ACER3: variants seen among roughly 807,000 people sequenced by gnomAD.
The protein encoded by ACER3 is alkCDase 3.
A neutral mutation model predicts 48.9 loss-of-function variants in ACER3; 16 were observed. The ratio of observed to expected loss-of-function variants is 0.33; its 90% confidence interval spans 0.22 to 0.50. ACER3 has a LOEUF of 0.50. ACER3 is among the 20% of genes least tolerant of loss of function. The probability of loss-of-function intolerance (pLI) is 0.98; values close to 1 mark genes in which losing one functional copy is unlikely to be tolerated. For missense variants in ACER3, 227 were observed against 326.0 expected, an observed-to-expected ratio of 0.70 and a Z score of 2.34; for synonymous variants, 109 against 107.8, an observed-to-expected ratio of 1.01 and a Z score of -0.07.
chr11:76,881,706 A>T (rs1945531556), intron 1 of ACER3, among the ~76,000 whole-genome samples: 1 of 152,194 alleles, frequency 6.6e-6, no homozygotes, highest in South Asian at 2.1e-4. Context: ...TAAACAAGTT[A>T]TAAATAAGTT....
intron 2 of ACER3, among the ~76,000 whole-genome samples, chr11:76,957,215 G>A (rs1394301337): frequency 1.3e-5 from 2 of 152,010 alleles, no homozygotes; most frequent in Non-Finnish European, 2.9e-5. Flanking sequence ...TTGTACCTCA[G>A]CATCTATAAC....
At chr11:77,016,874 A>G in intron 9 of ACER3, 95 bp downstream of exon 9, 1 of 597,256 alleles carries the variant, frequency 1.7e-6, no homozygotes, top group Non-Finnish European at 2.7e-6. Context: ...TTAAAACACT[A>G]GAAAATTCAC....
intron 7 of ACER3, among the ~76,000 whole-genome samples, chr11:77,004,765 A>G (rs1949099909): frequency 6.6e-6 from 1 of 152,134 alleles, no homozygotes; most frequent in Non-Finnish European, 1.5e-5. Context: ...TTTGTGTGGC[A>G]TATCTTTTTT....
chr11:76,883,779 T>C (rs968049370), intron 1 of ACER3, among the ~76,000 whole-genome samples: 4 of 152,152 alleles, frequency 2.6e-5, no homozygotes, highest in African/African-American at 9.7e-5. Flanking sequence ...GCAATTTCTG[T>C]TTGGATGCCA....
chr11:76,956,550 A>G (rs191154279), intron 2 of ACER3, among the ~76,000 whole-genome samples: 1 of 152,296 alleles, frequency 6.6e-6, no homozygotes, highest in Admixed American at 6.5e-5. Context: ...AAGCAGGGAA[A>G]AAAATCAGAC....
At chr11:76,959,239 C>T in intron 3 of ACER3, 2 of 1,420,542 alleles carry the variant, frequency 1.4e-6, no homozygotes, top group Non-Finnish European at 1.8e-6. Context: ...TAGTATAGGG[C>T]TTTTTGACCA....
rs1427779407 is a variant in ACER3 at position 76,966,035 on chromosome 11, C to A, written c.267+7004C>A. On this transcript the variant is annotated intron_variant, in intron 3 of 10. Coordinates refer to ENST00000532485, the MANE Select transcript of ACER3 (RefSeq NM_018367.7). ...TGGCAAATTGGATAAAGAGTCAAGACCCATCAGTGTGCTGTATTCAGGAGA... is the reference window on the plus strand; with the variant it reads ...TGGCAAATTGGATAAAGAGTCAAGAACCATCAGTGTGCTGTATTCAGGAGA... Among the ~76,000 whole-genome samples, 838 of 151,170 alleles carry A rather than the reference C, an allele frequency of 5.5e-3. 22 individuals carry two copies. The highest frequency in any genetic ancestry group is 0.019 in the African/African-American group (787 of 40,676).
At chr11:76,952,481 A>T (rs1482252803) in intron 2 of ACER3, among the ~76,000 whole-genome samples, 1 of 151,778 alleles carries the variant, frequency 6.6e-6, no homozygotes, top group Non-Finnish European at 1.5e-5. Flanking sequence ...GCTGGTCTCG[A>T]ACTCCTGACC....
chr11:76,945,755 C>T (rs903084846), intron 2 of ACER3, among the ~76,000 whole-genome samples: 1 of 152,152 alleles, frequency 6.6e-6, no homozygotes, highest in Non-Finnish European at 1.5e-5. Context: ...TTCTCAAACT[C>T]CTGGGCAGCT....
intron 1 of ACER3, among the ~76,000 whole-genome samples, chr11:76,873,409 T>C (rs1246151438): frequency 6.6e-6 from 1 of 152,272 alleles, no homozygotes; most frequent in African/African-American, 2.4e-5. Flanking sequence ...CCTGGGTTTC[T>C]AACTTTGCAA....
chr11:77,016,633 AT>A (rs1949375124), intron 8 of ACER3, 41 bp from the exon 9 acceptor site: 2 of 1,097,838 alleles, frequency 1.8e-6, no homozygotes, highest in Non-Finnish European at 2.7e-6. Context: ...GTCGCTAAAT[AT>A]TTTAAAAATT....
At chr11:76,972,433 G>A (rs1025113206) in intron 3 of ACER3, among the ~76,000 whole-genome samples, 2 of 151,932 alleles carry the variant, frequency 1.3e-5, no homozygotes, top group Non-Finnish European at 2.9e-5. Flanking sequence ...TTTTAAAATA[G>A]CCATAGTTGT....
chr11:76,959,098 A>G, intron 3 of ACER3, 67 bp downstream of exon 3: 1 of 1,609,950 alleles, frequency 6.2e-7, no homozygotes, highest in Non-Finnish European at 8.5e-7. Flanking sequence ...ATTTGAGAAA[A>G]GAGCACATAA....
intron 6 of ACER3, among the ~76,000 whole-genome samples, chr11:76,993,865 C>T (rs1184447014): frequency 2.0e-5 from 3 of 152,194 alleles, no homozygotes; most frequent in African/African-American, 7.2e-5. Context: ...AGAGCTCAGG[C>T]GATAATGCTC....
At chr11:76,972,007 A>C (rs981998061) in intron 3 of ACER3, among the ~76,000 whole-genome samples, 1 of 152,234 alleles carries the variant, frequency 6.6e-6, no homozygotes, top group Non-Finnish European at 1.5e-5. Flanking sequence ...ACAGCTTTTT[A>C]GCTATTCTTT....
At chr11:76,862,729 TA>T (rs1302682895) in intron 1 of ACER3, among the ~76,000 whole-genome samples, 1 of 152,160 alleles carries the variant, frequency 6.6e-6, no homozygotes, top group Non-Finnish European at 1.5e-5. Context: ...TGCTTCAATA[TA>T]AGGAAAAACC....
At chr11:76,957,936 C>CTT (rs35745158) in intron 2 of ACER3, among the ~76,000 whole-genome samples, 48 of 149,388 alleles carry the variant, frequency 3.2e-4, no homozygotes, top group Non-Finnish European at 5.2e-4. Context: ...AACACAGAAT[C>CTT]TTTTTATTTT....
chr11:76,877,949 A>G (rs1945428151), intron 1 of ACER3, among the ~76,000 whole-genome samples: 1 of 151,446 alleles, frequency 6.6e-6, no homozygotes, highest in African/African-American at 2.4e-5. Flanking sequence ...TTAAACACAA[A>G]TTGTGCTTAT....
chr11:76,952,948 G>A (rs1947724285), intron 2 of ACER3, among the ~76,000 whole-genome samples: 1 of 152,024 alleles, frequency 6.6e-6, no homozygotes, highest in Admixed American at 6.6e-5. Flanking sequence ...TTACAAGTGT[G>A]AGCCACCGCA....
Sources: gnomAD v4.1 joint callset for allele counts (sites outside exome capture counted in the v4.1 genomes callset) on GRCh38, gnomAD v4.1.1 for gene constraint, MANE v1.5 for transcripts, NCBI Gene and HGNC (gene_info 2026-07-23, HGNC 2026-07-21) for gene names.